Variants in AP2A1 observed in about 807,000 individuals in gnomAD.
AP2A1 encodes the protein adaptor related protein complex 2 subunit alpha 1.
In AP2A1, 21 loss-of-function variants were observed where a neutral mutation model predicts 107.3. The ratio of observed to expected loss-of-function variants is 0.20; its 90% CI spans 0.14 to 0.28. The LOEUF is 0.28. Among genes scored for constraint, AP2A1 ranks in the 10% least tolerant of loss-of-function variants. AP2A1 has a pLI of 1.00. For synonymous variants in AP2A1, 602 were observed against 564.8 expected (o/e 1.07, Z -0.93); for missense variants, 873 against 1,307.7 (o/e 0.67, Z 5.13).
Position 49,805,788 on chromosome 19 carries a change from G to T in AP2A1, c.2585+11G>T. The T allele has an allele frequency of 6.2e-7, 1 of 1,607,476 alleles. No individual in the cohort carries two copies. Among genetic ancestry groups the T allele is most frequent in the South Asian group, 1.1e-5 (1 of 90,270 alleles). On this transcript the variant is annotated intron_variant, in intron 20 of 22. Transcript: ENST00000354293. ...GAAGCAGCTGAGCCTGTGAGGGGTG[G>T]GGAGGGGGCGGAGCCAAAGCCGCGC...
chr19:49,806,695 C>G lies in AP2A1; in HGVS notation c.2805C>G (p.Thr935=), dbSNP rs750294341. ...CCCCCACCCAGATGTACCGGCTGAC[C>G]CTGCGCACCAGCAAGGAGCCCGTCT... ...PNAQAQMYRL[T]LRTSKEPVSR... Residue 935 remains threonine (T), a synonymous_variant, in exon 23 of 23, where the codon ACC becomes ACG. Transcript: ENST00000354293. 6.2e-7 allele frequency: 1 copy of G among 1,613,024 alleles called. No homozygotes were observed. Among genetic ancestry groups the G allele is most frequent in the African/African-American group, 1.3e-5 (1 of 74,836 alleles).
chr19:49,803,446 T>G (rs1355622067), intron 18 of AP2A1, 70 bp downstream of exon 18: 1 of 1,299,934 alleles, frequency 7.7e-7, no homozygotes, highest in Non-Finnish European at 1.1e-6. Context: ...GGAAGCCGGC[T>G]GACCCAGGTC....
At position 49,801,863 on chromosome 19, in the gene AP2A1, G is replaced by T; in HGVS notation, c.1927G>T (p.Gly643Cys). 2 of 1,501,798 alleles carry T rather than the reference G, an allele frequency of 1.3e-6. No homozygotes were observed. The highest frequency in any genetic ancestry group is 1.3e-5 in the South Asian group (1 of 74,252). 93.0% of individuals were successfully genotyped at this position (1,501,798 alleles called of 1,614,324 possible). Reference protein sequence around the residue: ...RDPSSNDINGGMEPTPSTVST... With the variant: ...RDPSSNDINGCMEPTPSTVST... ...CCCCAGCAGCAACGACATCAACGGG[G>T]GCATGGAGCCCACCCCCAGCACTGT... The change falls in exon 14 of 23, where the codon GGC becomes TGC. Residue 643 changes from glycine (G) to cysteine (C), a missense_variant. This residue lies in a region of AP2A1 where 416 missense variants were observed against 473.4 expected (regional missense o/e 0.88). Transcript: ENST00000354293.
At chr19:49,794,180 G>A (rs1026502353) in intron 6 of AP2A1, among the ~76,000 whole-genome samples, 7 of 150,914 alleles carry the variant, frequency 4.6e-5, no homozygotes, top group African/African-American at 1.7e-4. Context: ...GATTACCGGC[G>A]TGAGCCACTG....
At chr19:49,799,842 A>C in intron 10 of AP2A1, 76 bp downstream of exon 10, 1 of 1,566,138 alleles carries the variant, frequency 6.4e-7, no homozygotes, top group Admixed American at 1.9e-5. Context: ...TCCTAAGTCT[A>C]AGGGAGGAGG....
At chr19:49,801,204 GA>G in intron 12 of AP2A1, 146 bp downstream of exon 12, 1 of 1,013,200 alleles carries the variant, frequency 9.9e-7, no homozygotes, top group Non-Finnish European at 1.4e-6. Flanking sequence ...GGTAAGAAAG[GA>G]GCTTAGTCCC....
intron 1 of AP2A1, among the ~76,000 whole-genome samples, chr19:49,768,550 C>A (rs2084526785): frequency 6.6e-6 from 1 of 152,172 alleles, no homozygotes; most frequent in South Asian, 2.1e-4. Context: ...CTCTGAACAG[C>A]AGCCCTGTAA....
At position 49,792,036 on chromosome 19, in the gene AP2A1, T is replaced by C. The variant is rs763435834; in HGVS notation, c.575T>C (p.Val192Ala). 1 of 1,612,636 alleles carries C rather than the reference T, an allele frequency of 6.2e-7. No homozygotes were observed. The highest frequency in any genetic ancestry group is 1.3e-5 in the African/African-American group (1 of 74,892). Residue 192 changes from valine to alanine, a missense_variant, in exon 5 of 23, where the codon GTG becomes GCG. Around this residue, in one of 4 missense-constraint regions of AP2A1, gnomAD observed 157 missense variants for 212.6 expected, o/e 0.74. Transcript: ENST00000354293. ...CCCATGGGCGAGTGGACGGCGCGTG[T>C]GGTACACCTGCTCAATGACCAGCAC... ...LVPMGEWTAR[V>A]VHLLNDQHMG...
chr19:49,800,449 TTTTGTTTG>T (rs368442416), intron 11 of AP2A1, among the ~76,000 whole-genome samples: 1 of 152,010 alleles, frequency 6.6e-6, no homozygotes, highest in Non-Finnish European at 1.5e-5. Context: ...CAGTCCTGTT[TTTTGTTTG>T]TTTGTTTGTT....
Position 49,802,343 on chromosome 19 carries a change from G to A in AP2A1, c.2114+202G>A, listed in dbSNP as rs1162668347. 6.0e-6 allele frequency: 5 copies of A among 838,394 alleles called. No homozygotes were observed. In the East Asian group the frequency reaches 1.1e-4, roughly 18 times the overall value. 51.9% of individuals were successfully genotyped at this position (838,394 alleles called of 1,614,324 possible). On this transcript the variant is annotated intron_variant, in intron 15 of 22. Transcript: ENST00000354293. The stretch of plus-strand genomic sequence containing the variant: ...CCCTCCCTCTGCCACTCTGGACTCC[G>A]CCGACCCTGGCCACCCTTCGTTGTC...
At chr19:49,791,777 C>T (rs1449662627) in intron 4 of AP2A1, 158 bp from the exon 5 acceptor site, 11 of 835,646 alleles carry the variant, frequency 1.3e-5, no homozygotes, top group East Asian at 2.7e-5. Context: ...CCTGGTGGGC[C>T]GTGAGGTCAG....
chr19:49,795,587 T>TTC, intron 6 of AP2A1, 43 bp from the exon 7 acceptor site: 4 of 292,404 alleles, frequency 1.4e-5, no homozygotes, highest in South Asian at 6.4e-5. Flanking sequence ...CACGTGCCCC[T>TTC]CCCACCCCAG....
chr19:49,800,266 C>G, intron 11 of AP2A1, 116 bp downstream of exon 11: 2 of 1,281,078 alleles, frequency 1.6e-6, no homozygotes, highest in Admixed American at 4.8e-5. Flanking sequence ...CCTGCACTGC[C>G]GTGACCTCAA....
At chr19:49,791,234 T>C (rs2073138800) in intron 4 of AP2A1, among the ~76,000 whole-genome samples, 1 of 152,244 alleles carries the variant, frequency 6.6e-6, no homozygotes, top group Non-Finnish European at 1.5e-5. Context: ...TTAAATTTTT[T>C]TATTTATTTA....
intron 15 of AP2A1, chr19:49,802,742 T>C (rs2073305900): frequency 6.6e-6 from 7 of 1,054,812 alleles, no homozygotes; most frequent in Non-Finnish European, 9.4e-6. Flanking sequence ...AAACTTGGTG[T>C]CTGCCGATGC....
chr19:49,799,726 G>C lies in AP2A1; in HGVS notation c.1232G>C (p.Arg411Pro), dbSNP rs1228093649. Reference protein sequence around the residue: ...NAKQIVSEMLRYLETADYAIR... With the variant: ...NAKQIVSEMLPYLETADYAIR... ...AAGCAGATCGTGTCGGAGATGCTGC[G>C]GTACCTGGAGACGGCAGACTACGCC... Residue 411 changes from arginine (R) to proline (P), a missense_variant, in exon 10 of 23, where the codon CGG becomes CCG. Arg to Pro is a moderately radical substitution (Grantham distance 103). Around this residue, in one of 4 missense-constraint regions of AP2A1, gnomAD observed 213 missense variants for 443.5 expected, o/e 0.48. Transcript: ENST00000354293. The C allele has an allele frequency of 6.2e-7, 1 of 1,613,410 alleles. No individual in the cohort carries two copies. Among genetic ancestry groups the C allele is most frequent in the Non-Finnish European group, 8.5e-7 (1 of 1,179,898 alleles).
In AP2A1 at chr19:49,781,742, C is replaced by T; in HGVS notation, c.68-15C>T. ...CCCAGACCCCTCACTGCCTACCCTC[C>T]TCCTCCTCTCCCAGGTAAGAGCAAA... On this transcript the variant is annotated splice_polypyrimidine_tract_variant and intron_variant, in intron 1 of 22. Coordinates refer to ENST00000354293, the MANE Select transcript of AP2A1 (RefSeq NM_130787.3). 1.1e-5 allele frequency: 18 copies of T among 1,579,694 alleles called. No homozygotes were observed. The highest frequency in any genetic ancestry group is 1.5e-5 in the Non-Finnish European group (18 of 1,162,970).
At chr19:49,804,566 T>C (rs1600247003) in intron 18 of AP2A1, 1 of 152,104 alleles carries the variant, frequency 6.6e-6, no homozygotes, top group South Asian at 2.1e-4. Flanking sequence ...AATTCCTTCT[T>C]TCATAATTTC....
At chr19:49,771,813 G>A (rs1409406039) in intron 1 of AP2A1, among the ~76,000 whole-genome samples, 1 of 152,102 alleles carries the variant, frequency 6.6e-6, no homozygotes, top group African/African-American at 2.4e-5. Context: ...TGTGGTCAGC[G>A]AGCTGCGGCC....
Sources: gnomAD v4.1 joint callset for allele counts (sites outside exome capture counted in the v4.1 genomes callset) on GRCh38, gnomAD v4.1.1 for gene constraint, gnomAD v4.1.1 regional missense constraint, MANE v1.5 for transcripts, NCBI Gene and HGNC (gene_info 2026-07-23, HGNC 2026-07-21) for gene names.